The following ZBTB17 variants were observed in gnomAD, a reference collection of about 807,000 sequenced individuals.
ZBTB17 encodes zinc finger and BTB domain-containing protein 17.
ZBTB17 carries 24 observed loss-of-function variants against 85.1 expected under a neutral mutation model. That is an observed-to-expected ratio of 0.28 (90% confidence interval 0.20 to 0.40). The LOEUF (loss-of-function observed/expected upper bound fraction) is 0.40, where lower values mean the gene tolerates loss of function less well. Ranked by LOEUF, ZBTB17 falls within the 10% of genes least tolerant of loss-of-function variation. The pLI is 1.00. For synonymous variants in ZBTB17, 464 were observed against 460.2 expected, an observed-to-expected ratio of 1.01 and a Z score of -0.11; for missense variants, 743 against 1,105.1, an observed-to-expected ratio of 0.67 and a Z score of 4.65.
chr1:15,971,020 T>C (rs1009361099), intron 2 of ZBTB17, among the ~76,000 whole-genome samples: 5 of 151,600 alleles, frequency 3.3e-5, no homozygotes, highest in Non-Finnish European at 4.4e-5. Context: ...AATGATTCAA[T>C]AGAGGGAAAA....
At chr1:15,960,287 G>A (rs1320317808) in intron 2 of ZBTB17, among the ~76,000 whole-genome samples, 1 of 152,154 alleles carries the variant, frequency 6.6e-6, no homozygotes, top group Non-Finnish European at 1.5e-5. Flanking sequence ...TGGAGATGAT[G>A]ACAAAAGTTT....
rs977960477 is a variant in ZBTB17 at position 15,949,137 on chromosome 1, G to A, written c.-2-640C>T. ...CGGAGTCTTCTGACTCCAGAAACCT[G>A]TGTCCTGGTGGCCATCCCAGGAGAA... is the stretch of plus-strand genomic sequence containing the variant. On this transcript the variant is annotated intron_variant, in intron 2 of 15. Transcript: ENST00000375743. Among the ~76,000 whole-genome samples the A allele has an allele frequency of 7.2e-5, 11 of 152,264 alleles. 1 individual carries two copies. Among genetic ancestry groups the A allele is most frequent in the African/African-American group, 2.6e-4 (11 of 41,560 alleles).
At chr1:15,942,480 C>T (rs2071403745) in intron 14 of ZBTB17, 49 bp downstream of exon 14, 2 of 1,610,460 alleles carry the variant, frequency 1.2e-6, no homozygotes, top group Non-Finnish European at 1.7e-6. Context: ...TCATCGCCAC[C>T]CTGGCAGCAA....
rs184928206 is a variant in ZBTB17, at chr1:15,962,950, T to C, written c.-3+10089A>G. On this transcript the variant is annotated intron_variant, in intron 2 of 15. Coordinates refer to ENST00000375743, the MANE Select transcript of ZBTB17 (RefSeq NM_003443.3). ...CTGAGCAACAGCGAGACCCTGTTTC[T>C]AAAAAAAATAAAAAAATAAAGCAAA... is the stretch of plus-strand genomic sequence containing the variant. Among the ~76,000 whole-genome samples the C allele has an allele frequency of 4.1e-3, 616 of 151,724 alleles. 5 individuals carry two copies. The highest frequency in any genetic ancestry group is 6.1e-3 in the Non-Finnish European group (415 of 67,916).
At chr1:15,944,209 C>T in intron 9 of ZBTB17, 91 bp downstream of exon 9, 1 of 1,499,600 alleles carries the variant, frequency 6.7e-7, no homozygotes, top group South Asian at 1.2e-5. Context: ...GAGGCCGGGG[C>T]TGTGCTCCCC....
In ZBTB17 at chr1:15,952,310, G is replaced by A. The variant is rs2148778945; in HGVS notation, c.-2-3813C>T. ...TGCTGTCCTGATGACCAAAAGCTTA[G>A]GTGGACACAGAGCCCTGGGCTCCCT... On this transcript the variant is annotated intron_variant, in intron 2 of 15. Transcript: ENST00000375743. The surrounding 1 kb of genome is among the most constrained non-coding windows in gnomAD (Gnocchi z 4.3). 6.6e-6 allele frequency among the ~76,000 whole-genome samples: 1 copy of A among 152,318 alleles called. No homozygotes were observed. The highest frequency in any genetic ancestry group is 2.4e-5 in the African/African-American group (1 of 41,574).
rs369345657 is a variant in ZBTB17 at position 15,946,879 on chromosome 1, A to C, written c.394+56T>G. ...ACCCAGAAAGTCAGAGGCAGAGCCC[A>C]CATCAAAAGCCAAGGTCTCTGGCCA... On this transcript the variant is annotated intron_variant, in intron 4 of 15. Transcript: ENST00000375743. 44 of 1,554,228 alleles carry C rather than the reference A, an allele frequency of 2.8e-5. No individual in the cohort carries two copies. In the African/African-American group the frequency reaches 5.4e-4, roughly 19 times the overall value.
chr1:15,947,074 G>A lies in ZBTB17; in HGVS notation c.255C>T (p.Ser85=). The change falls in exon 4 of 16, where the codon AGC becomes AGT. Residue 85 remains serine, a synonymous_variant. Coordinates refer to ENST00000375743, the MANE Select transcript of ZBTB17 (RefSeq NM_003443.3). ...CCAGCACATCATCCACGTTCTCAGG[G>A]CTCAGGCTCAGCTTGGCCGTGTACA... ...EFMYTAKLSL[S]PENVDDVLAV... 1 of 1,614,014 alleles carries A rather than the reference G, an allele frequency of 6.2e-7. No homozygotes were observed. Among genetic ancestry groups the A allele is most frequent in the South Asian group, 1.1e-5 (1 of 91,082 alleles).
At chr1:15,971,231 TTC>T (rs1391988280) in intron 2 of ZBTB17, among the ~76,000 whole-genome samples, 3 of 143,214 alleles carry the variant, frequency 2.1e-5, no homozygotes, top group Admixed American at 7.1e-5. Context: ...AAATTCCCTA[TTC>T]TGTGTGTATG....
At position 15,942,409 on chromosome 1, in the gene ZBTB17, C is replaced by T. The variant is rs1243715312; in HGVS notation, c.2050G>A (p.Gly684Arg). 1 of 1,613,454 alleles carries T rather than the reference C, an allele frequency of 6.2e-7. No homozygotes were observed. The highest frequency in any genetic ancestry group is 8.5e-7 in the Non-Finnish European group (1 of 1,180,000). The change falls in exon 15 of 16, where the codon GGA (glycine) becomes AGA (arginine). Residue 684 changes from glycine to arginine, a missense_variant. Gly to Arg is a moderately radical substitution (Grantham distance 125). Coordinates refer to ENST00000375743, the MANE Select transcript of ZBTB17 (RefSeq NM_003443.3). ...AVTQLTVVPV[G>R]AAVTADETEV... ...GTCTCATCGGCTGTCACTGCAGCTC[C>T]CACCGGCACCACTGCGGGCAGAGTC...
intron 2 of ZBTB17, among the ~76,000 whole-genome samples, chr1:15,960,086 G>A (rs2072202889): frequency 6.6e-6 from 1 of 152,226 alleles, no homozygotes; most frequent in African/African-American, 2.4e-5. Flanking sequence ...CGACACTGAA[G>A]TCCTTCTCCC....
In ZBTB17 at chr1:15,951,960, A is replaced by C. The variant is rs1447771471; in HGVS notation, c.-2-3463T>G. Among the ~76,000 whole-genome samples, 2 of 152,094 alleles carry C rather than the reference A, an allele frequency of 1.3e-5. No individual in the cohort carries two copies. The highest frequency in any genetic ancestry group is 4.8e-5 in the African/African-American group (2 of 41,422). Reference sequence around the variant, plus strand: ...AGGGTGAAGAAATACTGTTCCCACCAGGCAGCCTGCCCCACCCCACCCTTG... The same window carrying C: ...AGGGTGAAGAAATACTGTTCCCACCCGGCAGCCTGCCCCACCCCACCCTTG... On this transcript the variant is annotated intron_variant, in intron 2 of 15. Transcript: ENST00000375743. This position sits in a 1 kb window ranked among gnomAD's most constrained non-coding sequence, Gnocchi z 4.1.
chr1:15,950,270 G>A (rs2071784841), intron 2 of ZBTB17, among the ~76,000 whole-genome samples: 1 of 152,266 alleles, frequency 6.6e-6, no homozygotes, highest in Non-Finnish European at 1.5e-5. Flanking sequence ...GAACGCAAGG[G>A]AGAATCGTGG....
intron 6 of ZBTB17, 141 bp downstream of exon 6, chr1:15,945,574 G>C (rs2148761863): frequency 1.6e-6 from 2 of 1,235,262 alleles, no homozygotes; most frequent in Middle Eastern, 2.8e-4. Flanking sequence ...CGAAGACCAA[G>C]GTGTCCCAAA....
At chr1:15,957,178 C>CA (rs34574727) in intron 2 of ZBTB17, among the ~76,000 whole-genome samples, 12,847 of 87,098 alleles carry the variant, frequency 0.15, 943 homozygotes, top group African/African-American at 0.26. Context: ...GACTCCATCT[C>CA]AAAAAAAAAA....
chr1:15,976,083 G>A lies in ZBTB17; in HGVS notation c.-190C>T. The A allele has an allele frequency of 1.5e-6, 1 of 688,080 alleles. No individual in the cohort carries two copies. Among genetic ancestry groups the A allele is most frequent in the Non-Finnish European group, 2.6e-6 (1 of 377,670 alleles). The allele number at this position is 688,080 out of a possible 1,614,324, so 42.6% of individuals were successfully genotyped here. Reference sequence around the variant, plus strand: ...AGACAAAGGGCGCCGCCATGTTAGAGTCGGGCGGAACCGACCTCGCAGGCT... The same window carrying A: ...AGACAAAGGGCGCCGCCATGTTAGAATCGGGCGGAACCGACCTCGCAGGCT... On this transcript the variant is annotated 5_prime_UTR_variant, in exon 1 of 16. Coordinates refer to ENST00000375743, the MANE Select transcript of ZBTB17 (RefSeq NM_003443.3).
chr1:15,960,601 A>T (rs2072223457), intron 2 of ZBTB17, among the ~76,000 whole-genome samples: 1 of 152,246 alleles, frequency 6.6e-6, no homozygotes, highest in South Asian at 2.1e-4. Context: ...AATCAAAGGC[A>T]TAAATGCTTA....
At chr1:15,948,135 G>T in intron 3 of ZBTB17, 156 bp downstream of exon 3, 3 of 850,724 alleles carry the variant, frequency 3.5e-6, no homozygotes, top group Non-Finnish European at 5.7e-6. Context: ...AAGGTGGGAG[G>T]AACTTAGTAC....
rs530052470 is a variant in ZBTB17, at chr1:15,959,704, T to C, written c.-2-11207A>G. On this transcript the variant is annotated intron_variant, in intron 2 of 15. Transcript: ENST00000375743. ...GGAGGATCACTTAAGCCCAGGAGTTTTGAGGCTGCAGCAAGCTATGATCAC... is the reference window on the plus strand; with the variant it reads ...GGAGGATCACTTAAGCCCAGGAGTTCTGAGGCTGCAGCAAGCTATGATCAC... 5.3e-5 allele frequency among the ~76,000 whole-genome samples: 8 copies of C among 151,888 alleles called. No homozygotes were observed. The East Asian group carries it at 1.2e-3, about 22-fold the overall frequency.
Sources: allele counts gnomAD v4.1 joint callset (sites outside exome capture counted in the v4.1 genomes callset), GRCh38; gene constraint gnomAD v4.1.1; non-coding constraint Gnocchi (gnomAD v3.1); transcripts MANE v1.5; gene names NCBI Gene and HGNC (gene_info 2026-07-23, HGNC 2026-07-21).